Variants in FAM107A observed in about 807,000 individuals in gnomAD.
The protein encoded by FAM107A is family with sequence similarity 107 member A.
Under a neutral mutation model 13.7 loss-of-function variants are expected in FAM107A, and 19 were observed. That is an observed-to-expected ratio of 1.38 (90% confidence interval 0.97 to 2.03). FAM107A has a LOEUF of 2.03. FAM107A is among the 30% of genes most tolerant of loss of function. The pLI is 0.00. For missense variants in FAM107A, 203 were observed against 184.4 expected, an observed-to-expected ratio of 1.10 and a Z score of -0.58; for synonymous variants, 82 against 74.5, an observed-to-expected ratio of 1.10 and a Z score of -0.52.
chr3:58,610,374 G>A (rs1378574496), intron 1 of FAM107A, among the ~76,000 whole-genome samples: 2 of 152,176 alleles, frequency 1.3e-5, no homozygotes, highest in African/African-American at 4.8e-5. Context: ...AGCCTGCAGG[G>A]ATGACGAAGG....
chr3:58,622,272 C>G (rs536725840), intron 1 of FAM107A, among the ~76,000 whole-genome samples: 12 of 152,270 alleles, frequency 7.9e-5, no homozygotes, highest in African/African-American at 2.4e-4. Context: ...AACCCCATCT[C>G]TACTAAAAAT....
upstream of FAM107A, among the ~76,000 whole-genome samples, chr3:58,581,547 C>T (rs2065542527): frequency 6.6e-6 from 1 of 152,170 alleles, no homozygotes; most frequent in Non-Finnish European, 1.5e-5. Flanking sequence ...CTTTTCAAGG[C>T]CTCAATGGGG....
At chr3:58,626,885 G>C in intron 1 of FAM107A, 2 of 1,327,520 alleles carry the variant, frequency 1.5e-6, no homozygotes, top group East Asian at 5.0e-5. Flanking sequence ...TGAAGCTGCA[G>C]GGTAGGTGGG....
In FAM107A at chr3:58,565,435, ATTTTTTTTTTTT is replaced by A. The variant is rs71625690; in HGVS notation, c.*1141_*1152del. 52 of 82,368 alleles carry A rather than the reference ATTTTTTTTTTTT, an allele frequency of 6.3e-4. No homozygotes were observed. The highest frequency in any genetic ancestry group is 2.2e-3 in the African/African-American group (50 of 22,770). 5.1% of individuals were successfully genotyped at this position (82,368 alleles called of 1,614,324 possible). Reference sequence around the variant, plus strand: ...GACTAGGAAAAAGTAAAAAAAAAAAATTTTTTTTTTTTTTTTTTTTTTTTTGGCTAGAATTGC... The same window carrying A: ...GACTAGGAAAAAGTAAAAAAAAAAAATTTTTTTTTTTTTGGCTAGAATTGC... On this transcript the variant is annotated 3_prime_UTR_variant, in exon 4 of 4. Coordinates refer to ENST00000360997, the MANE Select transcript of FAM107A (RefSeq NM_001076778.3).
At chr3:58,589,079 G>A (rs1279062682), upstream of FAM107A, 3 of 660,876 alleles carry the variant, frequency 4.5e-6, no homozygotes, top group Non-Finnish European at 8.0e-6. Flanking sequence ...TGCTGCAAGG[G>A]AGAAACCAAA....
chr3:58,598,080 C>T (rs907859974), intron 1 of FAM107A, among the ~76,000 whole-genome samples: 1 of 152,160 alleles, frequency 6.6e-6, no homozygotes, highest in African/African-American at 2.4e-5. Context: ...CCTCTACAAC[C>T]TCCACTCTCT....
At chr3:58,589,139 A>G (rs893038735), upstream of FAM107A, 5 of 1,018,218 alleles carry the variant, frequency 4.9e-6, no homozygotes, top group Non-Finnish European at 5.9e-6. Flanking sequence ...CATGGGATGT[A>G]CTTTTGTGGA....
chr3:58,588,136 G>A (rs1286717297), upstream of FAM107A, among the ~76,000 whole-genome samples: 2 of 152,204 alleles, frequency 1.3e-5, no homozygotes, highest in Admixed American at 1.3e-4. Flanking sequence ...AGGTGAGGTG[G>A]CTTGCACAAC....
At chr3:58,606,294 C>T (rs1446933573) in intron 1 of FAM107A, among the ~76,000 whole-genome samples, 1 of 152,118 alleles carries the variant, frequency 6.6e-6, no homozygotes, top group Non-Finnish European at 1.5e-5. Flanking sequence ...CGGGGTTTCA[C>T]CATGTTGGCC....
At chr3:58,584,701 G>A (rs1482832796) in intron 1 of FAM107A, among the ~76,000 whole-genome samples, 5 of 152,110 alleles carry the variant, frequency 3.3e-5, no homozygotes, top group African/African-American at 1.2e-4. Flanking sequence ...GAGACACTTC[G>A]GCGATGACAG....
At chr3:58,627,117 G>T in intron 1 of FAM107A, 2 of 931,356 alleles carry the variant, frequency 2.1e-6, no homozygotes, top group Non-Finnish European at 3.3e-6. Flanking sequence ...CTGTCCTCTT[G>T]CGGCTCATTC....
At chr3:58,567,517 C>T (rs1045656621) in intron 2 of FAM107A, among the ~76,000 whole-genome samples, 153 bp from the exon 3 acceptor site, 1 of 152,188 alleles carries the variant, frequency 6.6e-6, no homozygotes, top group Non-Finnish European at 1.5e-5. Flanking sequence ...TCCCATTTTA[C>T]AGGGACAGAA....
At chr3:58,606,608 C>A (rs2108074472) in intron 1 of FAM107A, among the ~76,000 whole-genome samples, 1 of 152,344 alleles carries the variant, frequency 6.6e-6, no homozygotes, top group South Asian at 2.1e-4. Flanking sequence ...AGAGGCCCTG[C>A]AGGAGAGAAA....
At chr3:58,594,528 C>T (rs1166475414) in intron 1 of FAM107A, among the ~76,000 whole-genome samples, 2 of 152,176 alleles carry the variant, frequency 1.3e-5, no homozygotes, top group Non-Finnish European at 2.9e-5. Context: ...TCCAGTTTTG[C>T]CTTACACAAG....
chr3:58,595,963 A>G (rs1012852155), intron 1 of FAM107A, among the ~76,000 whole-genome samples: 13 of 152,254 alleles, frequency 8.5e-5, no homozygotes, highest in African/African-American at 3.1e-4. Flanking sequence ...CACCGTTTCC[A>G]AATCGGGAGA....
At chr3:58,588,932 G>A (rs1426665453), upstream of FAM107A, among the ~76,000 whole-genome samples, 1 of 152,182 alleles carries the variant, frequency 6.6e-6, no homozygotes, top group South Asian at 2.1e-4. Flanking sequence ...TTACAGGCAT[G>A]AGTCACCATG....
At chr3:58,587,182 A>T, upstream of FAM107A, 1 of 1,191,698 alleles carries the variant, frequency 8.4e-7, no homozygotes, top group Non-Finnish European at 1.1e-6. Flanking sequence ...GAACGTCTGC[A>T]GTGAGGACTC....
At chr3:58,575,577 T>C (rs2063724126) in intron 1 of FAM107A, among the ~76,000 whole-genome samples, 1 of 152,218 alleles carries the variant, frequency 6.6e-6, no homozygotes, top group South Asian at 2.1e-4. Flanking sequence ...CCAAATTCAA[T>C]GCTCTTTCTA....
upstream of FAM107A, among the ~76,000 whole-genome samples, chr3:58,587,472 AGAGTGTGT>A (rs1437568766): frequency 4.8e-4 from 56 of 116,436 alleles, no homozygotes; most frequent in African/African-American, 2.1e-4. Flanking sequence ...TAATCAGCTT[AGAGTGTGT>A]GTGTGTGTGT....
Sources: allele counts gnomAD v4.1 joint callset (sites outside exome capture counted in the v4.1 genomes callset), GRCh38; gene constraint gnomAD v4.1.1; transcripts MANE v1.5; gene names NCBI Gene and HGNC (gene_info 2026-07-23, HGNC 2026-07-21).